The following RAPGEF4 variants were observed in gnomAD, a reference collection of about 807,000 sequenced individuals.
RAPGEF4 encodes RAP guanine-nucleotide-exchange factor (GEF) 4.
A neutral mutation model predicts 147.9 loss-of-function variants in RAPGEF4; 66 were observed. The observed-to-expected ratio is 0.45, with a 90% CI of 0.37 to 0.55. The LOEUF (loss-of-function observed/expected upper bound fraction) is 0.55. Among genes scored for constraint, RAPGEF4 ranks in the 20% least tolerant of loss-of-function variants. The probability of loss-of-function intolerance (pLI) is 0.00; values close to 1 mark genes in which losing one functional copy is unlikely to be tolerated. For missense variants in RAPGEF4, 1,071 were observed against 1,257.3 expected, an observed-to-expected ratio of 0.85 and a Z score of 2.24; for synonymous variants, 419 against 442.7, an observed-to-expected ratio of 0.95 and a Z score of 0.67.
chr2:172,875,299 GT>G, intron 4 of RAPGEF4, among the ~76,000 whole-genome samples: 1 of 152,256 alleles, frequency 6.6e-6, no homozygotes, highest in East Asian at 1.9e-4. Context: ...CGCTTTTGGT[GT>G]TTTAGACATG....
intron 25 of RAPGEF4, among the ~76,000 whole-genome samples, chr2:173,028,216 G>A (rs1696846435): frequency 6.6e-6 from 1 of 152,200 alleles, no homozygotes; most frequent in Non-Finnish European, 1.5e-5. Context: ...TGTTAATATG[G>A]CAAAGCTGGC....
chr2:173,048,571 T>C, intron 29 of RAPGEF4, 29 bp from the exon 30 acceptor site: 1 of 1,613,992 alleles, frequency 6.2e-7, no homozygotes, highest in Non-Finnish European at 8.5e-7. Flanking sequence ...CTTGAATTTC[T>C]ATCTTTCTTT....
At chr2:172,841,791 AACACACAC>A (rs3064818) in intron 4 of RAPGEF4, among the ~76,000 whole-genome samples, 4 of 147,004 alleles carry the variant, frequency 2.7e-5, no homozygotes, top group African/African-American at 7.5e-5. Context: ...TTGGCTGAAT[AACACACAC>A]ACACACACAC....
At chr2:172,784,503 G>A (rs985816562) in intron 1 of RAPGEF4, among the ~76,000 whole-genome samples, 2 of 147,200 alleles carry the variant, frequency 1.4e-5, no homozygotes, top group South Asian at 2.2e-4. Context: ...GGGCAACAGA[G>A]CGAAACTCTT....
intron 16 of RAPGEF4, among the ~76,000 whole-genome samples, chr2:172,999,947 C>G (rs959712762): frequency 6.6e-6 from 1 of 152,172 alleles, no homozygotes; most frequent in Non-Finnish European, 1.5e-5. Context: ...TTGGAGCACC[C>G]AAGTCAAGTC....
chr2:172,861,665 T>A (rs1694065794), intron 4 of RAPGEF4, among the ~76,000 whole-genome samples: 1 of 152,230 alleles, frequency 6.6e-6, no homozygotes, highest in African/African-American at 2.4e-5. Context: ...TGCTGAATCT[T>A]AATCTGTTTA....
intron 25 of RAPGEF4, among the ~76,000 whole-genome samples, chr2:173,027,558 T>C (rs1696781247): frequency 6.6e-6 from 1 of 152,230 alleles, no homozygotes; most frequent in East Asian, 1.9e-4. Flanking sequence ...ATTCCTTCCG[T>C]AAACCAAGTT....
intron 6 of RAPGEF4, 73 bp downstream of exon 6, chr2:172,922,373 A>G (rs568485925): frequency 1.4e-6 from 2 of 1,389,996 alleles, no homozygotes; most frequent in East Asian, 4.6e-5. Flanking sequence ...TAACCCTACC[A>G]ACAAAGAGAG....
intron 29 of RAPGEF4, among the ~76,000 whole-genome samples, chr2:173,040,058 G>A (rs1684563933): frequency 6.6e-6 from 1 of 151,822 alleles, no homozygotes; most frequent in Non-Finnish European, 1.5e-5. Context: ...GTTGATGGCG[G>A]GCACCAGTAA....
chr2:173,051,527 C>A, intron 30 of RAPGEF4, 113 bp from the exon 31 acceptor site: 1 of 1,189,272 alleles, frequency 8.4e-7, no homozygotes, highest in Non-Finnish European at 1.2e-6. Context: ...GTTGAAAGGT[C>A]TTGAGGGAAC....
At position 173,040,827 on chromosome 2, in the gene RAPGEF4, GA is replaced by G. The variant is rs1684673492; in HGVS notation, c.2853+4137del. On this transcript the variant is annotated intron_variant, in intron 29 of 30. Coordinates refer to ENST00000397081, the MANE Select transcript of RAPGEF4 (RefSeq NM_007023.4). Reference sequence around the variant, plus strand: ...TCTTTTATTTGGGGGGAACATAAAGGAATATTCAAAAAAATGTTTGAATAAA... The same window carrying G: ...TCTTTTATTTGGGGGGAACATAAAGGATATTCAAAAAAATGTTTGAATAAA... Among the ~76,000 whole-genome samples, 3 of 152,122 alleles carry G rather than the reference GA, an allele frequency of 2.0e-5. No individual in the cohort carries two copies. In the South Asian group the frequency reaches 6.2e-4, roughly 32 times the overall value.
At chr2:173,050,090 C>A (rs1434648857) in intron 30 of RAPGEF4, among the ~76,000 whole-genome samples, 1 of 152,108 alleles carries the variant, frequency 6.6e-6, no homozygotes, top group African/African-American at 2.4e-5. Context: ...TTCTATGTCA[C>A]CTCCTAGAGA....
chr2:172,786,656 C>T (rs1275723131), intron 1 of RAPGEF4, among the ~76,000 whole-genome samples: 3 of 152,116 alleles, frequency 2.0e-5, no homozygotes, highest in Non-Finnish European at 2.9e-5. Context: ...GGGAAGACTG[C>T]TTGAGGCCAG....
At position 172,859,930 on chromosome 2, in the gene RAPGEF4, G is replaced by A. The variant is rs1575063266; in HGVS notation, c.444+45505G>A. The A allele has an allele frequency of 8.4e-6, 6 of 711,014 alleles. No homozygotes were observed. The South Asian group carries it at 3.8e-4, about 45-fold the overall frequency. 44.0% of individuals were successfully genotyped at this position (711,014 alleles called of 1,614,324 possible). On this transcript the variant is annotated intron_variant, in intron 4 of 30. Transcript: ENST00000397081. ...AATGGAATATTGAAGAGGAGGCTCG[G>A]TAGAATAAACAGTGGAATCCTTGTC...
intron 3 of RAPGEF4, among the ~76,000 whole-genome samples, chr2:172,800,074 G>A (rs1453293715): frequency 6.6e-6 from 1 of 152,164 alleles, no homozygotes; most frequent in Admixed American, 6.5e-5. Context: ...CAAAACCAAT[G>A]CAGAGAACTT....
At chr2:172,973,572 GA>G (rs1363740370) in intron 10 of RAPGEF4, among the ~76,000 whole-genome samples, 1 of 152,230 alleles carries the variant, frequency 6.6e-6, no homozygotes, top group Non-Finnish European at 1.5e-5. Flanking sequence ...GGAGTGACCG[GA>G]CAGGAGCACT....
intron 21 of RAPGEF4, among the ~76,000 whole-genome samples, 155 bp from the exon 22 acceptor site, chr2:173,018,501 G>T (rs565642356): frequency 2.6e-4 from 40 of 152,272 alleles, no homozygotes; most frequent in African/African-American, 9.1e-4. Flanking sequence ...CAGTTTAGAA[G>T]GGGCAGGAAT....
At chr2:173,007,999 ATTG>A in intron 17 of RAPGEF4, among the ~76,000 whole-genome samples, 1 of 152,142 alleles carries the variant, frequency 6.6e-6, no homozygotes, top group Non-Finnish European at 1.5e-5. Context: ...CTCATCTCGA[ATTG>A]TAATCTGAAT....
Position 172,845,896 on chromosome 2 carries a change from T to C in RAPGEF4, c.444+31471T>C, listed in dbSNP as rs1479123261. ...AATTCATCTGGTTCCTGTCTGTAAGTAGGCTTTTCAGGACAGCACAGTAGC... is the reference window on the plus strand; with the variant it reads ...AATTCATCTGGTTCCTGTCTGTAAGCAGGCTTTTCAGGACAGCACAGTAGC... On this transcript the variant is annotated intron_variant, in intron 4 of 30. Coordinates refer to ENST00000397081, the MANE Select transcript of RAPGEF4 (RefSeq NM_007023.4). Among the ~76,000 whole-genome samples the C allele has an allele frequency of 6.6e-5, 10 of 152,254 alleles. No individual in the cohort carries two copies. The Middle Eastern group carries it at 0.01, about 155-fold the overall frequency.
Sources: allele counts gnomAD v4.1 joint callset (sites outside exome capture counted in the v4.1 genomes callset), GRCh38; gene constraint gnomAD v4.1.1; transcripts MANE v1.5; gene names NCBI Gene and HGNC (gene_info 2026-07-23, HGNC 2026-07-21).